Variants in CDIN1 observed in about 807,000 individuals in gnomAD.
CDIN1 encodes the protein CDAN1 interacting nuclease 1.
CDIN1 carries 33 observed loss-of-function variants against 45.3 expected under a neutral mutation model. The ratio of observed to expected loss-of-function variants is 0.73; its 90% CI spans 0.55 to 0.97. The LOEUF (loss-of-function observed/expected upper bound fraction) is 0.97. Ranked by LOEUF, CDIN1 falls within the 50% of genes least tolerant of loss-of-function variation. CDIN1 has a pLI of 0.00. For missense variants in CDIN1, 303 were observed against 339.4 expected, an observed-to-expected ratio of 0.89 and a Z score of 0.84; for synonymous variants, 118 against 124.4, an observed-to-expected ratio of 0.95 and a Z score of 0.34.
chr15:36,620,324 C>G (rs1360266833), intron 1 of CDIN1, among the ~76,000 whole-genome samples: 1 of 151,870 alleles, frequency 6.6e-6, no homozygotes, highest in Non-Finnish European at 1.5e-5. Flanking sequence ...GCACTCCAGC[C>G]TGGGCGACAA....
chr15:36,659,967 T>TTTTC lies in CDIN1; in HGVS notation c.346+2065_346+2066insCTTT, dbSNP rs1555390756. On this transcript the variant is annotated intron_variant, in intron 5 of 10. Coordinates refer to ENST00000566621, the MANE Select transcript of CDIN1 (RefSeq NM_001321759.2). ...CATTCTCTCTTTTTCCTTCCTTTTC[T>TTTTC]TTTTTTTTTTTTTTTTTCTTAAAGA... Among the ~76,000 whole-genome samples, 5 of 1,656 alleles carry TTTTC rather than the reference T, an allele frequency of 3.0e-3. No homozygotes were observed. The East Asian group carries it at 0.071, about 24-fold the overall frequency. 1.1% of individuals were successfully genotyped at this position (1,656 alleles called of 152,430 possible). A position where few individuals can be genotyped will look rare whatever the true frequency, so the allele number is the denominator to read the frequency against.
rs542704907 is a variant in CDIN1, at chr15:36,674,284, C to G, written c.346+16379C>G. On this transcript the variant is annotated intron_variant, in intron 5 of 10. Coordinates refer to ENST00000566621, the MANE Select transcript of CDIN1 (RefSeq NM_001321759.2). The stretch of plus-strand genomic sequence containing the variant: ...ATTTTAAATGTGCTTGATTTATTAG[C>G]GCGGGGGTCTCCATTTCCAGCAGGT... Among the ~76,000 whole-genome samples the G allele has an allele frequency of 2.9e-4, 44 of 152,154 alleles. No individual in the cohort carries two copies. The South Asian group carries it at 8.3e-3, about 29-fold the overall frequency.
chr15:36,619,056 T>C, intron 1 of CDIN1: 7 of 1,271,940 alleles, frequency 5.5e-6, no homozygotes, highest in Non-Finnish European at 7.7e-6. Context: ...ACAAAGACAA[T>C]GAAGCTCCTT....
intron 10 of CDIN1, among the ~76,000 whole-genome samples, chr15:36,758,768 G>GT (rs1249829347): frequency 3.3e-5 from 5 of 152,054 alleles, no homozygotes; most frequent in Non-Finnish European, 7.4e-5. Context: ...TATGTTATTT[G>GT]TAAGTTTTGA....
intron 7 of CDIN1, among the ~76,000 whole-genome samples, chr15:36,694,095 A>T (rs2042341445): frequency 6.6e-6 from 1 of 152,198 alleles, no homozygotes; most frequent in Non-Finnish European, 1.5e-5. Context: ...ATATATGTTT[A>T]TATCAAGCAA....
rs557113701 is a variant in CDIN1, at chr15:36,725,364, G to C, written c.716+15403G>C. On this transcript the variant is annotated intron_variant, in intron 10 of 10. Transcript: ENST00000566621. ...TACCATCAAGCTGAAACCCTTACTT[G>C]GAACTATTAATGCTTTTAATTAAAA... Among the ~76,000 whole-genome samples the C allele has an allele frequency of 6.3e-5, 9 of 143,710 alleles. No individual in the cohort carries two copies. The South Asian group carries it at 2.0e-3, about 32-fold the overall frequency. The allele number at this position is 143,710 out of a possible 152,430, so 94.3% of individuals were successfully genotyped here. A position where few individuals can be genotyped will look rare whatever the true frequency, so the allele number is the denominator to read the frequency against.
At position 36,622,647 on chromosome 15, in the gene CDIN1, A is replaced by G. The variant is rs531951361; in HGVS notation, c.102-21631A>G. On this transcript the variant is annotated intron_variant, in intron 1 of 10. Coordinates refer to ENST00000566621, the MANE Select transcript of CDIN1 (RefSeq NM_001321759.2). The stretch of plus-strand genomic sequence containing the variant: ...AGGAAACATGAGGAACCAGGGTAAC[A>G]GCAAATGGGACTTATCCTTGGATGC... Among the ~76,000 whole-genome samples the G allele has an allele frequency of 1.8e-4, 27 of 152,360 alleles. No individual in the cohort carries two copies. The Middle Eastern group carries it at 0.014, about 77-fold the overall frequency.
At chr15:36,583,842 C>T (rs1248370383) in intron 1 of CDIN1, among the ~76,000 whole-genome samples, 1 of 152,062 alleles carries the variant, frequency 6.6e-6, no homozygotes, top group Non-Finnish European at 1.5e-5. Flanking sequence ...CAGTGAAACC[C>T]CGTCTCTACT....
intron 3 of CDIN1, among the ~76,000 whole-genome samples, chr15:36,649,769 C>A (rs1283870679): frequency 2.6e-5 from 4 of 152,316 alleles, no homozygotes; most frequent in East Asian, 3.9e-4. Context: ...ATCGATAATT[C>A]TTGGAACTCC....
chr15:36,695,553 A>C (rs918011427), intron 7 of CDIN1, among the ~76,000 whole-genome samples: 1 of 152,108 alleles, frequency 6.6e-6, no homozygotes, highest in South Asian at 2.1e-4. Flanking sequence ...AATTGTAAAA[A>C]TGTGACTAAA....
chr15:36,796,654 A>G (rs977991886), intron 10 of CDIN1, among the ~76,000 whole-genome samples: 1 of 152,196 alleles, frequency 6.6e-6, no homozygotes, highest in Non-Finnish European at 1.5e-5. Context: ...ATGTTCATAC[A>G]TCGGGGCTTG....
chr15:36,619,469 TTCTATCTATCTATCTATCTA>T (rs58603040), intron 1 of CDIN1, among the ~76,000 whole-genome samples: 23 of 147,164 alleles, frequency 1.6e-4, no homozygotes, highest in Admixed American at 3.4e-4. Flanking sequence ...GCTGGAGGAT[TTCTATCTATCTATCTATCTA>T]TCTATCTATC....
In CDIN1 at chr15:36,808,985, T is replaced by C. The variant is rs1247636528; in HGVS notation, c.*532T>C. On this transcript the variant is annotated 3_prime_UTR_variant, in exon 11 of 11. Transcript: ENST00000566621. The stretch of plus-strand genomic sequence containing the variant: ...AAGCCACAAAGTCCAAAGCCACCTT[T>C]GTACTCACCTGCAGAGCTCCAGAAG... 4 of 455,842 alleles carry C rather than the reference T, an allele frequency of 8.8e-6. No individual in the cohort carries two copies. Among genetic ancestry groups the C allele is most frequent in the Non-Finnish European group, 1.8e-5 (4 of 226,754 alleles). 28.2% of individuals were successfully genotyped at this position (455,842 alleles called of 1,614,324 possible). A position where few individuals can be genotyped will look rare whatever the true frequency, so the allele number is the denominator to read the frequency against.
chr15:36,799,240 G>T (rs1566982547), intron 10 of CDIN1: 1 of 151,266 alleles, frequency 6.6e-6, no homozygotes, highest in African/African-American at 2.4e-5. Flanking sequence ...ACTTAAGTAA[G>T]TAAGTGTTTT....
chr15:36,756,154 G>C, intron 10 of CDIN1: 1 of 455,956 alleles, frequency 2.2e-6, no homozygotes, highest in Non-Finnish European at 4.4e-6. Context: ...TTTAAAAAGG[G>C]AGTGGGGAAT....
At chr15:36,715,299 C>T (rs551214491) in intron 10 of CDIN1, among the ~76,000 whole-genome samples, 7 of 152,234 alleles carry the variant, frequency 4.6e-5, no homozygotes, top group East Asian at 1.9e-4. Flanking sequence ...TTAGTTCATA[C>T]CTCTAAGTAT....
At chr15:36,707,981 T>C (rs2042929764) in intron 8 of CDIN1, 1 of 150,474 alleles carries the variant, frequency 6.6e-6, no homozygotes, top group African/African-American at 2.4e-5. Flanking sequence ...TCCTTCAAAA[T>C]CTAGACAGCT....
chr15:36,807,959 T>G (rs2141157437), intron 10 of CDIN1, among the ~76,000 whole-genome samples: 1 of 152,326 alleles, frequency 6.6e-6, no homozygotes, highest in African/African-American at 2.4e-5. Context: ...ATGTTAGACT[T>G]AAATCCCAAG....
At chr15:36,628,608 T>A (rs2039549935) in intron 1 of CDIN1, among the ~76,000 whole-genome samples, 2 of 152,162 alleles carry the variant, frequency 1.3e-5, no homozygotes, top group Admixed American at 1.3e-4. Context: ...CTTATTTAGA[T>A]GACATTTTGA....
Sources: allele counts gnomAD v4.1 joint callset (sites outside exome capture counted in the v4.1 genomes callset), GRCh38; gene constraint gnomAD v4.1.1; transcripts MANE v1.5; gene names NCBI Gene and HGNC (gene_info 2026-07-23, HGNC 2026-07-21).